SMARCC1: variants seen among roughly 807,000 people sequenced by gnomAD.
SMARCC1 encodes the protein SWI/SNF complex subunit SMARCC1.
SMARCC1 carries 43 observed loss-of-function variants against 147.4 expected under a neutral mutation model. The ratio of observed to expected loss-of-function variants is 0.29; its 90% CI spans 0.23 to 0.38. The LOEUF is 0.38. Among genes scored for constraint, SMARCC1 ranks in the 10% least tolerant of loss-of-function variants. The pLI, the probability that SMARCC1 is intolerant of heterozygous loss-of-function variation, is 1.00. For missense variants in SMARCC1, 1,119 were observed against 1,381.1 expected, an observed-to-expected ratio of 0.81 and a Z score of 3.01; for synonymous variants, 495 against 484.4, an observed-to-expected ratio of 1.02 and a Z score of -0.29.
intron 26 of SMARCC1, chr3:47,604,536 C>T (rs1337321393): frequency 3.0e-6 from 1 of 329,462 alleles, no homozygotes; most frequent in Non-Finnish European, 6.0e-6. Flanking sequence ...AACTCAGAGA[C>T]TAAAGCCATT....
intron 3 of SMARCC1, among the ~76,000 whole-genome samples, chr3:47,742,225 T>C (rs2034517398): frequency 6.6e-6 from 1 of 150,598 alleles, no homozygotes; most frequent in Admixed American, 6.6e-5. Context: ...ATTCTCAAGA[T>C]AGGGTTCCAG....
intron 2 of SMARCC1, among the ~76,000 whole-genome samples, chr3:47,757,884 T>C (rs1486247751): frequency 1.3e-5 from 2 of 152,040 alleles, no homozygotes; most frequent in Non-Finnish European, 2.9e-5. Flanking sequence ...GAAACCTGTT[T>C]AGCAACATCT....
intron 21 of SMARCC1, among the ~76,000 whole-genome samples, chr3:47,658,592 T>G (rs2033294603): frequency 6.6e-6 from 1 of 152,238 alleles, no homozygotes; most frequent in Non-Finnish European, 1.5e-5. Context: ...ATGTGGCAAA[T>G]GTAAACACTT....
chr3:47,650,255 G>A (rs1416178141), intron 21 of SMARCC1, among the ~76,000 whole-genome samples: 2 of 148,486 alleles, frequency 1.3e-5, no homozygotes, highest in African/African-American at 2.5e-5. Context: ...TAGCCTGGGC[G>A]ACAGAGCGAG....
At chr3:47,692,374 A>C (rs2033800678) in intron 12 of SMARCC1, among the ~76,000 whole-genome samples, 2 of 152,222 alleles carry the variant, frequency 1.3e-5, no homozygotes, top group South Asian at 4.1e-4. Flanking sequence ...CTCATTTTAT[A>C]CTGCTTAGAA....
At chr3:47,709,217 T>C (rs569900821) in intron 9 of SMARCC1, among the ~76,000 whole-genome samples, 49 of 151,720 alleles carry the variant, frequency 3.2e-4, no homozygotes, top group Admixed American at 9.8e-4. Flanking sequence ...GCCAAGATCA[T>C]TCCACTGCAC....
Position 47,771,946 on chromosome 3 carries a change from G to C in SMARCC1, c.315+871C>G, listed in dbSNP as rs919157977. 5.9e-5 allele frequency among the ~76,000 whole-genome samples: 9 copies of C among 152,012 alleles called. No individual in the cohort carries two copies. The East Asian group carries it at 1.7e-3, about 29-fold the overall frequency. On this transcript the variant is annotated intron_variant, in intron 2 of 27. Transcript: ENST00000254480. ...AAAATACAAAAATTAGCTGGGTGTG[G>C]TGGCGCGCACCTGTAATCCTAGCTA...
At chr3:47,735,616 A>G (rs1236360165) in intron 5 of SMARCC1, among the ~76,000 whole-genome samples, 1 of 152,036 alleles carries the variant, frequency 6.6e-6, no homozygotes, top group Non-Finnish European at 1.5e-5. Flanking sequence ...CGAAAAATAC[A>G]ATTAGCACAC....
intron 3 of SMARCC1, among the ~76,000 whole-genome samples, chr3:47,739,388 A>G (rs1284285882): frequency 2.6e-5 from 4 of 152,198 alleles, no homozygotes; most frequent in African/African-American, 9.6e-5. Flanking sequence ...TGGTGCAGTA[A>G]GAGCTCCCTG....
intron 8 of SMARCC1, among the ~76,000 whole-genome samples, chr3:47,712,848 G>A (rs939156929): frequency 2.6e-5 from 4 of 152,032 alleles, no homozygotes; most frequent in Non-Finnish European, 5.9e-5. Flanking sequence ...TCCTAATAAT[G>A]TGATACCATA....
chr3:47,710,855 C>A, intron 8 of SMARCC1, 47 bp from the exon 9 acceptor site: 1 of 1,533,808 alleles, frequency 6.5e-7, no homozygotes. Context: ...AACAAAATCA[C>A]TCAAGGTTTT....
In SMARCC1 at chr3:47,676,757, C is replaced by T. The variant is rs940368707; in HGVS notation, c.1597G>A (p.Gly533Arg). ...MRVHAFLEQW[G>R]LVNYQVDPES... is the part of the protein sequence containing the mutation. ...GGGTCAACTTGGTAATTAACGAGTC[C>T]CCACTGCTCTAAAAAGGCATGGACC... The change falls in exon 17 of 28, where the codon GGA becomes AGA. Residue 533 changes from glycine (G) to arginine (R), a missense_variant. Gly to Arg is a moderately radical substitution (Grantham distance 125). This residue lies in a region of SMARCC1 where 178 missense variants were observed against 264.6 expected (regional missense o/e 0.67). Transcript: ENST00000254480. 1.2e-6 allele frequency: 2 copies of T among 1,613,454 alleles called. No homozygotes were observed. Among genetic ancestry groups the T allele is most frequent in the Non-Finnish European group, 1.7e-6 (2 of 1,179,934 alleles).
At chr3:47,756,279 A>T (rs2034696188) in intron 2 of SMARCC1, among the ~76,000 whole-genome samples, 1 of 152,106 alleles carries the variant, frequency 6.6e-6, no homozygotes, top group African/African-American at 2.4e-5. Flanking sequence ...CATGCCTGTA[A>T]TCCTACCACT....
At chr3:47,648,490 G>A (rs903549886) in intron 21 of SMARCC1, among the ~76,000 whole-genome samples, 42 of 151,992 alleles carry the variant, frequency 2.8e-4, no homozygotes, top group African/African-American at 9.4e-4. Context: ...GGGCTTAAGC[G>A]ATCCTTCCAT....
chr3:47,653,439 T>C (rs947392231), intron 21 of SMARCC1, among the ~76,000 whole-genome samples: 1 of 152,232 alleles, frequency 6.6e-6, no homozygotes, highest in Non-Finnish European at 1.5e-5. Context: ...TGTAACACAG[T>C]AAATTATCAC....
chr3:47,667,346 A>G (rs528307769), intron 19 of SMARCC1, among the ~76,000 whole-genome samples: 1 of 151,804 alleles, frequency 6.6e-6, no homozygotes, highest in South Asian at 2.1e-4. Flanking sequence ...GAGAGAGAGA[A>G]ACTCTTACAG....
intron 15 of SMARCC1, among the ~76,000 whole-genome samples, chr3:47,679,562 T>A (rs374644384): frequency 6.6e-6 from 1 of 152,084 alleles, no homozygotes; most frequent in African/African-American, 2.4e-5. Context: ...CACACACAAG[T>A]TGAAAGTTGT....
At chr3:47,594,934 A>G (rs1040591249) in intron 26 of SMARCC1, among the ~76,000 whole-genome samples, 1 of 152,130 alleles carries the variant, frequency 6.6e-6, no homozygotes, top group African/African-American at 2.4e-5. Flanking sequence ...CCTACAACCC[A>G]TCCTGACTCC....
intron 25 of SMARCC1, among the ~76,000 whole-genome samples, chr3:47,616,975 G>A (rs923484965): frequency 1.3e-5 from 2 of 152,174 alleles, no homozygotes; most frequent in African/African-American, 4.8e-5. Flanking sequence ...AATGAACTGA[G>A]GCAGTGGGGG....
Sources: allele counts gnomAD v4.1 joint callset (sites outside exome capture counted in the v4.1 genomes callset), GRCh38; gene constraint gnomAD v4.1.1; regional missense constraint gnomAD v4.1.1; transcripts MANE v1.5; gene names NCBI Gene and HGNC (gene_info 2026-07-23, HGNC 2026-07-21).